MBLAC1: variants seen among roughly 807,000 people sequenced by gnomAD.
MBLAC1 encodes metallo-beta-lactamase domain-containing protein 1.
MBLAC1 carries 1 observed loss-of-function variant against 1.5 expected under a neutral mutation model. That is an observed-to-expected ratio of 0.68 (90% CI 0.24 to 3.21). MBLAC1 has a LOEUF of 3.21. MBLAC1 is among the 30% of genes most tolerant of loss of function. MBLAC1 has a pLI of 0.20. For missense variants in MBLAC1, 371 were observed against 384.7 expected (o/e 0.96, Z 0.30); for synonymous variants, 197 against 191.3 (o/e 1.03, Z -0.25).
Position 100,128,301 on chromosome 7 carries a change from G to C in MBLAC1, c.*105G>C, listed in dbSNP as rs1798284385. The stretch of plus-strand genomic sequence containing the variant: ...AGGGTGGGAGCTTCCAGCCCTTCCA[G>C]GAGGCCAGTTTTCTAGTGAAGACAG... On this transcript the variant is annotated 3_prime_UTR_variant, in exon 2 of 2. Coordinates refer to ENST00000398075, the MANE Select transcript of MBLAC1 (RefSeq NM_203397.3). 1.9e-6 allele frequency: 2 copies of C among 1,074,570 alleles called. No individual in the cohort carries two copies. Among genetic ancestry groups the C allele is most frequent in the Non-Finnish European group, 2.7e-6 (2 of 753,496 alleles). 66.6% of individuals were successfully genotyped at this position (1,074,570 alleles called of 1,614,324 possible). A position where few individuals can be genotyped will look rare whatever the true frequency, so the allele number is the denominator to read the frequency against.
In MBLAC1 at chr7:100,127,631, C is replaced by G; in HGVS notation, c.236C>G (p.Pro79Arg). 7.1e-7 allele frequency: 1 copy of G among 1,400,972 alleles called. No homozygotes were observed. Among genetic ancestry groups the G allele is most frequent in the Non-Finnish European group, 9.2e-7 (1 of 1,083,444 alleles). 86.8% of individuals were successfully genotyped at this position (1,400,972 alleles called of 1,614,324 possible). The change falls in exon 2 of 2, where the codon CCC becomes CGC. Residue 79 changes from proline (P) to arginine (R), a missense_variant. By Grantham distance (103) the Pro-to-Arg change is moderately radical. Coordinates refer to ENST00000398075, the MANE Select transcript of MBLAC1 (RefSeq NM_203397.3). The surrounding 1 kb of genome is among the most constrained non-coding windows in gnomAD (Gnocchi z 4.6). ...GCCCTGGAGGAGGCGGCCCGTGGCCCCATCCTGGTGGACACCGGGGGCCCC... is the reference window on the plus strand; with the variant it reads ...GCCCTGGAGGAGGCGGCCCGTGGCCGCATCCTGGTGGACACCGGGGGCCCC... ...EAALEEAARG[P>R]ILVDTGGPWA...
In MBLAC1 at chr7:100,127,334, C is replaced by G; in HGVS notation, c.-28-34C>G. 6.9e-7 allele frequency: 1 copy of G among 1,443,682 alleles called. No individual in the cohort carries two copies. Among genetic ancestry groups the G allele is most frequent in the Non-Finnish European group, 9.2e-7 (1 of 1,083,772 alleles). 89.4% of individuals were successfully genotyped at this position (1,443,682 alleles called of 1,614,324 possible). A position where few individuals can be genotyped will look rare whatever the true frequency, so the allele number is the denominator to read the frequency against. On this transcript the variant is annotated intron_variant, in intron 1 of 1. Transcript: ENST00000398075. This position sits in a 1 kb window ranked among gnomAD's most constrained non-coding sequence, Gnocchi z 4.6. ...GGTGGGGGATCGCGGAGGGACAGGA[C>G]GGTCGCCCACTGCTCCATTTCCTTT... is the stretch of plus-strand genomic sequence containing the variant.
rs370822293 is a variant in MBLAC1, at chr7:100,128,096, C to G, written c.701C>G (p.Pro234Arg). The G allele has an allele frequency of 1.2e-6, 2 of 1,609,910 alleles. No individual in the cohort carries two copies. Among genetic ancestry groups the G allele is most frequent in the East Asian group, 2.2e-5 (1 of 44,690 alleles). The change falls in exon 2 of 2, where the codon CCC (proline) becomes CGC (arginine). Residue 234 changes from proline to arginine, a missense_variant. Coordinates refer to ENST00000398075, the MANE Select transcript of MBLAC1 (RefSeq NM_203397.3). ...ADVVVPGHGP[P>R]FRVLREASQP... ...GTGGTCGTACCTGGTCACGGGCCCC[C>G]CTTTCGAGTGTTAAGGGAAGCCTCG... is the stretch of plus-strand genomic sequence containing the variant.
At position 100,128,468 on chromosome 7, in the gene MBLAC1, AAAAT is replaced by A. The variant is rs1798288360; in HGVS notation, c.*276_*279del. ...GAGAAGGTTCGTGGGAGGGGCCTCCAAAATAAAAATGGAAACTGCATTGAAAATC... is the reference window on the plus strand; with the variant it reads ...GAGAAGGTTCGTGGGAGGGGCCTCCAAAAAATGGAAACTGCATTGAAAATC... On this transcript the variant is annotated 3_prime_UTR_variant, in exon 2 of 2. Transcript: ENST00000398075. 3 of 448,986 alleles carry A rather than the reference AAAAT, an allele frequency of 6.7e-6. No individual in the cohort carries two copies. In the South Asian group the frequency reaches 1.7e-4, roughly 25 times the overall value. The allele number at this position is 448,986 out of a possible 1,614,324, so 27.8% of individuals were successfully genotyped here.
In MBLAC1 at chr7:100,127,544, A is replaced by G; in HGVS notation, c.149A>G (p.Gln50Arg). The change falls in exon 2 of 2, where the codon CAG becomes CGG. Residue 50 changes from glutamine to arginine, a missense_variant. By Grantham distance (43) the Gln-to-Arg change is conservative. Transcript: ENST00000398075. This position sits in a 1 kb window ranked among gnomAD's most constrained non-coding sequence, Gnocchi z 4.6. ...ADGSVTLVLP[Q>R]TRGPASSHRE... ...GGCTCCGTGACCCTGGTCCTACCCC[A>G]GACCCGGGGCCCGGCCTCCAGCCAC... is the stretch of plus-strand genomic sequence containing the variant. 6.7e-7 allele frequency: 1 copy of G among 1,499,156 alleles called. No individual in the cohort carries two copies. Among genetic ancestry groups the G allele is most frequent in the Non-Finnish European group, 8.8e-7 (1 of 1,132,056 alleles). 92.9% of individuals were successfully genotyped at this position (1,499,156 alleles called of 1,614,324 possible). A position where few individuals can be genotyped will look rare whatever the true frequency, so the allele number is the denominator to read the frequency against.
At position 100,127,553 on chromosome 7, in the gene MBLAC1, G is replaced by T; in HGVS notation, c.158G>T (p.Gly53Val). The stretch of plus-strand genomic sequence containing the variant: ...ACCCTGGTCCTACCCCAGACCCGGG[G>T]CCCGGCCTCCAGCCACCGAGAGTCC... ...SVTLVLPQTR[G>V]PASSHRESPR... Residue 53 changes from glycine to valine, a missense_variant, in exon 2 of 2, where the codon GGC becomes GTC. By Grantham distance (109) the Gly-to-Val change is moderately radical. Transcript: ENST00000398075. The surrounding 1 kb of genome is among the most constrained non-coding windows in gnomAD (Gnocchi z 4.6). 3.4e-6 allele frequency: 5 copies of T among 1,465,372 alleles called. No individual in the cohort carries two copies. In the South Asian group the frequency reaches 4.1e-5, roughly 12 times the overall value. 90.8% of individuals were successfully genotyped at this position (1,465,372 alleles called of 1,614,324 possible).
At position 100,127,301 on chromosome 7, in the gene MBLAC1, C is replaced by T. The variant is rs1208701616; in HGVS notation, c.-28-67C>T. ...CGAGGCTTAGGGGCAGTGGCGGGGC[C>T]GAGCGCGGGTGGGGGATCGCGGAGG... On this transcript the variant is annotated intron_variant, in intron 1 of 1. Coordinates refer to ENST00000398075, the MANE Select transcript of MBLAC1 (RefSeq NM_203397.3). The surrounding 1 kb of genome is among the most constrained non-coding windows in gnomAD (Gnocchi z 4.6). 2.4e-6 allele frequency: 3 copies of T among 1,248,156 alleles called. No individual in the cohort carries two copies. Among genetic ancestry groups the T allele is most frequent in the Non-Finnish European group, 3.2e-6 (3 of 925,000 alleles). 77.3% of individuals were successfully genotyped at this position (1,248,156 alleles called of 1,614,324 possible).
chr7:100,127,477 T>C lies in MBLAC1; in HGVS notation c.82T>C (p.Tyr28His), dbSNP rs781573043. The C allele has an allele frequency of 5.0e-6, 8 of 1,592,104 alleles. No homozygotes were observed. Among genetic ancestry groups the C allele is most frequent in the Non-Finnish European group, 6.8e-6 (8 of 1,177,022 alleles). ...CTCTGTGGTGGTTCTGCTGCAGGGC[T>C]ACGCGGAGCCAGAGGGTGTGGGCGA... is the stretch of plus-strand genomic sequence containing the variant. ...PYSVVVLLQG[Y>H]AEPEGVGDAV... The change falls in exon 2 of 2, where the codon TAC becomes CAC. Residue 28 changes from tyrosine to histidine, a missense_variant. Tyr to His is a moderately conservative substitution (Grantham distance 83). Coordinates refer to ENST00000398075, the MANE Select transcript of MBLAC1 (RefSeq NM_203397.3). This position sits in a 1 kb window ranked among gnomAD's most constrained non-coding sequence, Gnocchi z 4.6.
chr7:100,127,827 C>T lies in MBLAC1; in HGVS notation c.432C>T (p.Tyr144=), dbSNP rs771017107. The part of the protein sequence containing the change: ...SHDFCLPGGR[Y]LPHGLGEGQP... ...ACTTCTGCCTTCCCGGAGGCCGCTA[C>T]CTGCCCCACGGGCTGGGTGAGGGGC... The change falls in exon 2 of 2, where the codon TAC becomes TAT. Residue 144 remains tyrosine, a synonymous_variant. Transcript: ENST00000398075. The surrounding 1 kb of genome is among the most constrained non-coding windows in gnomAD (Gnocchi z 4.6). The T allele has an allele frequency of 1.8e-4, 282 of 1,567,630 alleles. No homozygotes were observed. The highest frequency in any genetic ancestry group is 1.5e-4 in the Admixed American group (8 of 53,558).
rs757456777 is a variant in MBLAC1, at chr7:100,127,753, A to G, written c.358A>G (p.Ile120Val). 11 of 1,535,148 alleles carry G rather than the reference A, an allele frequency of 7.2e-6. No homozygotes were observed. Among genetic ancestry groups the G allele is most frequent in the African/African-American group, 2.8e-5 (2 of 71,840 alleles). The change falls in exon 2 of 2, where the codon ATC becomes GTC. Residue 120 changes from isoleucine to valine, a missense_variant. Coordinates refer to ENST00000398075, the MANE Select transcript of MBLAC1 (RefSeq NM_203397.3). The surrounding 1 kb of genome is among the most constrained non-coding windows in gnomAD (Gnocchi z 4.6). ...VVGTHGHSDH[I>V]GNLGLFPGAA... ...GGGGACCCACGGGCACTCGGATCAC[A>G]TCGGGAACTTGGGGCTGTTCCCAGG...
In MBLAC1 at chr7:100,128,073, G is replaced by T. The variant is rs1470814034; in HGVS notation, c.678G>T (p.Val226=). Residue 226 remains valine (V), a synonymous_variant, in exon 2 of 2, where the codon GTG becomes GTT. Coordinates refer to ENST00000398075, the MANE Select transcript of MBLAC1 (RefSeq NM_203397.3). ...SRKRVLVVAD[V]VVPGHGPPFR... ...AGAGGGTCCTGGTCGTTGCCGACGT[G>T]GTCGTACCTGGTCACGGGCCCCCCT... 2 of 1,611,550 alleles carry T rather than the reference G, an allele frequency of 1.2e-6. No individual in the cohort carries two copies. The highest frequency in any genetic ancestry group is 2.7e-5 in the African/African-American group (2 of 74,894).
Position 100,127,561 on chromosome 7 carries a change from T to A in MBLAC1, c.166T>A (p.Ser56Thr). The change falls in exon 2 of 2, where the codon TCC becomes ACC. Residue 56 changes from serine to threonine, a missense_variant. Transcript: ENST00000398075. The surrounding 1 kb of genome is among the most constrained non-coding windows in gnomAD (Gnocchi z 4.6). ...CCTACCCCAGACCCGGGGCCCGGCC[T>A]CCAGCCACCGAGAGTCCCCGCGCGG... ...LVLPQTRGPA[S>T]SHRESPRGSG... The A allele has an allele frequency of 6.9e-7, 1 of 1,439,006 alleles. No homozygotes were observed. 89.1% of individuals were successfully genotyped at this position (1,439,006 alleles called of 1,614,324 possible). A position where few individuals can be genotyped will look rare whatever the true frequency, so the allele number is the denominator to read the frequency against.
rs1584593575 is a variant in MBLAC1, at chr7:100,127,459, G to A, written c.64G>A (p.Val22Met). Residue 22 changes from valine to methionine, a missense_variant, in exon 2 of 2, where the codon GTG (valine) becomes ATG (methionine). Physicochemically the swap from Val to Met is conservative, Grantham distance 21. Coordinates refer to ENST00000398075, the MANE Select transcript of MBLAC1 (RefSeq NM_203397.3). The surrounding 1 kb of genome is among the most constrained non-coding windows in gnomAD (Gnocchi z 4.6). ...LLVPGDPYSV[V>M]VLLQGYAEPE... ...GGTGCCCGGCGACCCCTACTCTGTG[G>A]TGGTTCTGCTGCAGGGCTACGCGGA... The A allele has an allele frequency of 6.3e-7, 1 of 1,594,232 alleles. No homozygotes were observed. The highest frequency in any genetic ancestry group is 8.5e-7 in the Non-Finnish European group (1 of 1,177,832).
Position 100,127,343 on chromosome 7 carries a change from A to G in MBLAC1, c.-28-25A>G. 1 of 1,487,616 alleles carries G rather than the reference A, an allele frequency of 6.7e-7. No individual in the cohort carries two copies. The highest frequency in any genetic ancestry group is 1.3e-5 in the South Asian group (1 of 79,504). 92.2% of individuals were successfully genotyped at this position (1,487,616 alleles called of 1,614,324 possible). On this transcript the variant is annotated intron_variant, in intron 1 of 1. Coordinates refer to ENST00000398075, the MANE Select transcript of MBLAC1 (RefSeq NM_203397.3). This position sits in a 1 kb window ranked among gnomAD's most constrained non-coding sequence, Gnocchi z 4.6. ...TCGCGGAGGGACAGGACGGTCGCCCACTGCTCCATTTCCTTTCTCCCCAGC... is the reference window on the plus strand; with the variant it reads ...TCGCGGAGGGACAGGACGGTCGCCCGCTGCTCCATTTCCTTTCTCCCCAGC...
chr7:100,128,270 C>A lies in MBLAC1; in HGVS notation c.*74C>A. The A allele has an allele frequency of 7.1e-7, 1 of 1,415,062 alleles. No individual in the cohort carries two copies. The highest frequency in any genetic ancestry group is 9.5e-7 in the Non-Finnish European group (1 of 1,048,952). 87.7% of individuals were successfully genotyped at this position (1,415,062 alleles called of 1,614,324 possible). A position where few individuals can be genotyped will look rare whatever the true frequency, so the allele number is the denominator to read the frequency against. On this transcript the variant is annotated 3_prime_UTR_variant, in exon 2 of 2. Coordinates refer to ENST00000398075, the MANE Select transcript of MBLAC1 (RefSeq NM_203397.3). ...AGAGCTGCTGGAGACAGAGTCAGAG[C>A]AGTCAAGGGTGGGAGCTTCCAGCCC...
At position 100,127,862 on chromosome 7, in the gene MBLAC1, G is replaced by T. The variant is rs2116916661; in HGVS notation, c.467G>T (p.Arg156Leu). 6.4e-7 allele frequency: 1 copy of T among 1,558,750 alleles called. No homozygotes were observed. ...GGGCTGGGTGAGGGGCAGCCCCTGC[G>T]CCTGGGCCCGGGGCTCGAGGTGTGG... ...PHGLGEGQPLRLGPGLEVWAT... is the reference protein window; with the variant it reads ...PHGLGEGQPLLLGPGLEVWAT... The change falls in exon 2 of 2, where the codon CGC becomes CTC. Residue 156 changes from arginine (R) to leucine (L), a missense_variant. Physicochemically the swap from Arg to Leu is moderately radical, Grantham distance 102. Transcript: ENST00000398075. This position sits in a 1 kb window ranked among gnomAD's most constrained non-coding sequence, Gnocchi z 4.6.
In MBLAC1 at chr7:100,127,905, GGGCCAGCGCGACGTGAGCGTGGTGGT is replaced by G; in HGVS notation, c.515_540del (p.Gln172ArgfsTer15). ...AGGTGTGGGCCACGCCGGGCCACGG[GGGCCAGCGCGACGTGAGCGTGGTGGT>G]GGCCGGCACGGCTCTGGGCACCGTG... On this transcript the variant is annotated frameshift_variant, in exon 2 of 2. Transcript: ENST00000398075. LOFTEE classifies it low-confidence loss of function (END_TRUNC). This position sits in a 1 kb window ranked among gnomAD's most constrained non-coding sequence, Gnocchi z 4.6. 6.4e-7 allele frequency: 1 copy of G among 1,573,576 alleles called. No individual in the cohort carries two copies. Among genetic ancestry groups the G allele is most frequent in the Non-Finnish European group, 8.6e-7 (1 of 1,159,086 alleles).
At position 100,127,332 on chromosome 7, in the gene MBLAC1, G is replaced by A; in HGVS notation, c.-28-36G>A. The stretch of plus-strand genomic sequence containing the variant: ...CGGGTGGGGGATCGCGGAGGGACAG[G>A]ACGGTCGCCCACTGCTCCATTTCCT... On this transcript the variant is annotated intron_variant, in intron 1 of 1. Coordinates refer to ENST00000398075, the MANE Select transcript of MBLAC1 (RefSeq NM_203397.3). The surrounding 1 kb of genome is among the most constrained non-coding windows in gnomAD (Gnocchi z 4.6). 6.9e-7 allele frequency: 1 copy of A among 1,445,380 alleles called. No homozygotes were observed. Among genetic ancestry groups the A allele is most frequent in the Non-Finnish European group, 9.2e-7 (1 of 1,085,308 alleles). The allele number at this position is 1,445,380 out of a possible 1,614,324, so 89.5% of individuals were successfully genotyped here. A position where few individuals can be genotyped will look rare whatever the true frequency, so the allele number is the denominator to read the frequency against.
Position 100,127,439 on chromosome 7 carries a change from C to G in MBLAC1, c.44C>G (p.Pro15Arg). Reference sequence around the variant, plus strand: ...TGCGGGGCATCCCCTCTGCTGGTGCCCGGCGACCCCTACTCTGTGGTGGTT... The same window carrying G: ...TGCGGGGCATCCCCTCTGCTGGTGCGCGGCGACCCCTACTCTGTGGTGGTT... ...PLCGASPLLV[P>R]GDPYSVVVLL... The change falls in exon 2 of 2, where the codon CCC becomes CGC. Residue 15 changes from proline to arginine, a missense_variant. Physicochemically the swap from Pro to Arg is moderately radical, Grantham distance 103 (BLOSUM62 -2). Coordinates refer to ENST00000398075, the MANE Select transcript of MBLAC1 (RefSeq NM_203397.3). The surrounding 1 kb of genome is among the most constrained non-coding windows in gnomAD (Gnocchi z 4.6). The G allele has an allele frequency of 6.3e-7, 1 of 1,594,302 alleles. No individual in the cohort carries two copies. The highest frequency in any genetic ancestry group is 1.1e-5 in the South Asian group (1 of 90,040).
Sources: gnomAD v4.1 joint callset for allele counts on GRCh38, gnomAD v4.1.1 for gene constraint, Gnocchi (gnomAD v3.1) non-coding constraint, MANE v1.5 for transcripts, NCBI Gene and HGNC (gene_info 2026-07-23, HGNC 2026-07-21) for gene names.